ARPC1B: variants seen among roughly 807,000 people sequenced by gnomAD.
ARPC1B encodes actin related protein 2/3 complex subunit 1B.
A neutral mutation model predicts 46.0 loss-of-function variants in ARPC1B; 29 were observed. The observed-to-expected ratio is 0.63, with a 90% confidence interval of 0.47 to 0.86. The LOEUF (loss-of-function observed/expected upper bound fraction) is 0.86. Ranked by LOEUF, ARPC1B falls within the 40% of genes least tolerant of loss-of-function variation. The pLI, the probability that ARPC1B is intolerant of heterozygous loss-of-function variation, is 0.00. For missense variants in ARPC1B, 469 were observed against 529.4 expected, an observed-to-expected ratio of 0.89 and a Z score of 1.12; for synonymous variants, 201 against 213.9, an observed-to-expected ratio of 0.94 and a Z score of 0.53.
In ARPC1B at chr7:99,385,747, C is replaced by T. The variant is rs1166779743; in HGVS notation, c.33C>T (p.Ile11=). ...ACCACAGCTTCCTGGTGGAGCCCAT[C>T]AGCTGCCACGCCTGGAACAAGGACC... The part of the protein sequence containing the change: MAYHSFLVEP[I]SCHAWNKDRT... Residue 11 remains isoleucine (I), a synonymous_variant, in exon 2 of 10, where the codon ATC becomes ATT. Transcript: ENST00000646101. 6.2e-7 allele frequency: 1 copy of T among 1,611,256 alleles called. No individual in the cohort carries two copies. Among genetic ancestry groups the T allele is most frequent in the Non-Finnish European group, 8.5e-7 (1 of 1,179,498 alleles).
chr7:99,389,296 G>C (rs1036683700), intron 4 of ARPC1B: 14 of 153,162 alleles, frequency 9.1e-5, no homozygotes, highest in African/African-American at 3.4e-4. Context: ...GCAGTGTTGT[G>C]ATCATAGCTC....
Position 99,393,164 on chromosome 7 carries a change from G to A in ARPC1B, c.989+288G>A, listed in dbSNP as rs139662822. Among the ~76,000 whole-genome samples, 339 of 152,340 alleles carry A rather than the reference G, an allele frequency of 2.2e-3. 3 individuals carry two copies. Among genetic ancestry groups the A allele is most frequent in the Middle Eastern group, 3.4e-3 (1 of 294 alleles). ...CGGCAGAGGTCGCGTAGCGGGCCCAGGGTAGGGAGTGGCTTTGACTCGCTG... is the reference window on the plus strand; with the variant it reads ...CGGCAGAGGTCGCGTAGCGGGCCCAAGGTAGGGAGTGGCTTTGACTCGCTG... On this transcript the variant is annotated intron_variant, in intron 8 of 9. Coordinates refer to ENST00000646101, the MANE Select transcript of ARPC1B (RefSeq NM_005720.4).
chr7:99,393,445 G>A (rs1159512997), intron 8 of ARPC1B, among the ~76,000 whole-genome samples: 1 of 152,120 alleles, frequency 6.6e-6, no homozygotes, highest in East Asian at 1.9e-4. Context: ...GGGCTTCCTG[G>A]GCGGGGTCAC....
intron 1 of ARPC1B, among the ~76,000 whole-genome samples, chr7:99,376,990 C>G (rs1040160735): frequency 2.0e-5 from 3 of 151,934 alleles, no homozygotes; most frequent in Non-Finnish European, 4.4e-5. Flanking sequence ...TTACATATGT[C>G]TGTACATAAT....
At chr7:99,379,117 C>G (rs1467375313) in intron 1 of ARPC1B, among the ~76,000 whole-genome samples, 1 of 152,122 alleles carries the variant, frequency 6.6e-6, no homozygotes, top group Non-Finnish European at 1.5e-5. Flanking sequence ...TTATTCTGTT[C>G]TATTAATATT....
intron 1 of ARPC1B, among the ~76,000 whole-genome samples, chr7:99,385,362 G>A (rs1794355408): frequency 6.6e-6 from 1 of 151,634 alleles, no homozygotes; most frequent in Non-Finnish European, 1.5e-5. Context: ...GACAAGTGAG[G>A]GGCCTGTCCA....
chr7:99,393,614 C>T (rs73397422), intron 8 of ARPC1B, among the ~76,000 whole-genome samples: 2,606 of 152,212 alleles, frequency 0.017, 78 homozygotes, highest in African/African-American at 0.061. Context: ...TCAGAGGGAG[C>T]GGGAGCTGTA....
intron 5 of ARPC1B, among the ~76,000 whole-genome samples, chr7:99,390,312 A>G (rs1794529834): frequency 6.6e-6 from 1 of 151,842 alleles, no homozygotes. Flanking sequence ...CCTGGACTCA[A>G]GCGATCCTCT....
At chr7:99,388,921 G>C (rs376521351) in intron 4 of ARPC1B, 1 of 148,462 alleles carries the variant, frequency 6.7e-6, no homozygotes, top group Non-Finnish European at 1.5e-5. Context: ...GTGAGCCACC[G>C]TGCCCAGCCA....
chr7:99,394,517 T>TA lies in ARPC1B; in HGVS notation c.*29dup. ...TGTGAGGAATATGTTGCCTTCATCC[T>TA]AGCTGCTGGGGAAGCGGGGAGAGGG... is the stretch of plus-strand genomic sequence containing the variant. On this transcript the variant is annotated 3_prime_UTR_variant, in exon 10 of 10. Transcript: ENST00000646101. 6.2e-7 allele frequency: 1 copy of TA among 1,614,002 alleles called. No homozygotes were observed. Among genetic ancestry groups the TA allele is most frequent in the Non-Finnish European group, 8.5e-7 (1 of 1,180,006 alleles).
At position 99,391,071 on chromosome 7, in the gene ARPC1B, T is replaced by G. The variant is rs778176237; in HGVS notation, c.679T>G (p.Cys227Gly). ...VAWVSHDSTV[C>G]LADADKKMAV... Reference sequence around the variant, plus strand: ...CTGGGTAAGCCACGACAGCACCGTCTGCCTGGCTGATGCCGACAAGAAGAT... The same window carrying G: ...CTGGGTAAGCCACGACAGCACCGTCGGCCTGGCTGATGCCGACAAGAAGAT... Residue 227 changes from cysteine to glycine, a missense_variant, in exon 6 of 10, where the codon TGC becomes GGC. Physicochemically the swap from Cys to Gly is radical, Grantham distance 159. Coordinates refer to ENST00000646101, the MANE Select transcript of ARPC1B (RefSeq NM_005720.4). 1.2e-6 allele frequency: 2 copies of G among 1,613,800 alleles called. No homozygotes were observed. Among genetic ancestry groups the G allele is most frequent in the Non-Finnish European group, 1.7e-6 (2 of 1,179,868 alleles).
At chr7:99,386,636 A>G (rs1238805909) in intron 2 of ARPC1B, 49 bp from the exon 3 acceptor site, 1 of 1,360,570 alleles carries the variant, frequency 7.3e-7, no homozygotes, top group African/African-American at 1.4e-5. Flanking sequence ...GTCCTGGCAG[A>G]GGGCAGTCAT....
chr7:99,376,248 G>T (rs529532699), intron 1 of ARPC1B, among the ~76,000 whole-genome samples: 91 of 152,262 alleles, frequency 6.0e-4, no homozygotes, highest in African/African-American at 2.1e-3. Context: ...AGGTAGGAGT[G>T]CCAGCTTCTC....
chr7:99,391,104 G>A lies in ARPC1B; in HGVS notation c.707+5G>A, dbSNP rs1022139359. 7.4e-6 allele frequency: 12 copies of A among 1,612,730 alleles called. No homozygotes were observed. Among genetic ancestry groups the A allele is most frequent in the Non-Finnish European group, 1.0e-5 (12 of 1,179,250 alleles). On this transcript the variant is annotated splice_donor_5th_base_variant and intron_variant, in intron 6 of 9. Transcript: ENST00000646101. Reference sequence around the variant, plus strand: ...TGATGCCGACAAGAAGATGGCGTGAGTCGAGGCCATCCCCAGGGGAGGAGG... The same window carrying A: ...TGATGCCGACAAGAAGATGGCGTGAATCGAGGCCATCCCCAGGGGAGGAGG...
At position 99,388,089 on chromosome 7, in the gene ARPC1B, C is replaced by T. The variant is rs1363606110; in HGVS notation, c.220C>T (p.Arg74Cys). 5 of 1,613,802 alleles carry T rather than the reference C, an allele frequency of 3.1e-6. No individual in the cohort carries two copies. The highest frequency in any genetic ancestry group is 4.2e-6 in the Non-Finnish European group (5 of 1,179,834). Residue 74 changes from arginine to cysteine, a missense_variant, in exon 4 of 10, where the codon CGC (arginine) becomes TGC (cysteine). Arg to Cys is a radical substitution (Grantham distance 180). Transcript: ENST00000646101. Reference sequence around the variant, plus strand: ...CCGTATTGTGACCTGCGGCACAGACCGCAACGCCTACGTGTGGACGCTGAA... The same window carrying T: ...CCGTATTGTGACCTGCGGCACAGACTGCAACGCCTACGTGTGGACGCTGAA... ...SNRIVTCGTD[R>C]NAYVWTLKGR...
At chr7:99,375,119 G>A (rs1281612992) in intron 1 of ARPC1B, among the ~76,000 whole-genome samples, 3 of 151,866 alleles carry the variant, frequency 2.0e-5, no homozygotes, top group Non-Finnish European at 2.9e-5. Context: ...GCGCCCTCGG[G>A]GCGTCCCCAG....
chr7:99,377,402 TC>T (rs1794059622), intron 1 of ARPC1B: 1 of 150,892 alleles, frequency 6.6e-6, no homozygotes, highest in Admixed American at 6.7e-5. Flanking sequence ...AGCATCTGCC[TC>T]CCGGGTTCCA....
At chr7:99,393,295 G>A (rs1794640666) in intron 8 of ARPC1B, among the ~76,000 whole-genome samples, 1 of 152,202 alleles carries the variant, frequency 6.6e-6, no homozygotes, top group Admixed American at 6.5e-5. Flanking sequence ...CATAAGACGG[G>A]GTCGACCTCT....
intron 1 of ARPC1B, among the ~76,000 whole-genome samples, chr7:99,380,923 T>C (rs1448376059): frequency 6.6e-6 from 1 of 152,210 alleles, no homozygotes; most frequent in Non-Finnish European, 1.5e-5. Flanking sequence ...AGTGGGCTTC[T>C]GGCCTTCACC....
Sources: allele counts gnomAD v4.1 joint callset (sites outside exome capture counted in the v4.1 genomes callset), GRCh38; gene constraint gnomAD v4.1.1; transcripts MANE v1.5; gene names NCBI Gene and HGNC (gene_info 2026-07-23, HGNC 2026-07-21).